SPINK9: variants seen among roughly 807,000 people sequenced by gnomAD.
SPINK9 encodes serine protease inhibitor Kazal-type 9.
In SPINK9, 3 loss-of-function variants were observed where a neutral mutation model predicts 10.8. That is an observed-to-expected ratio of 0.28 (90% CI 0.13 to 0.72). The LOEUF is 0.72. SPINK9 is among the 30% of genes least tolerant of loss of function. The probability of loss-of-function intolerance (pLI) is 0.74; values close to 1 mark genes in which losing one functional copy is unlikely to be tolerated. For synonymous variants in SPINK9, 30 were observed against 31.2 expected (o/e 0.96, Z 0.12); for missense variants, 101 against 103.2 (o/e 0.98, Z 0.09).
intron 1 of SPINK9, among the ~76,000 whole-genome samples, chr5:148,323,199 T>C (rs1757018918): frequency 6.6e-6 from 1 of 152,138 alleles, no homozygotes; most frequent in African/African-American, 2.4e-5. Context: ...GGTTATGAGA[T>C]ACTGTCTAAA....
intron 2 of SPINK9, among the ~76,000 whole-genome samples, chr5:148,337,032 C>G (rs548731900): frequency 6.6e-6 from 1 of 152,108 alleles, no homozygotes; most frequent in Non-Finnish European, 1.5e-5. Context: ...TATTTTATGT[C>G]TTTGAGGCTT....
intron 2 of SPINK9, among the ~76,000 whole-genome samples, chr5:148,329,578 G>C (rs1000936020): frequency 6.6e-6 from 1 of 152,058 alleles, no homozygotes; most frequent in Non-Finnish European, 1.5e-5. Flanking sequence ...TGCTTCTCTA[G>C]TTCTTTTAAT....
chr5:148,339,423 T>C (rs1237736192), intron 3 of SPINK9, among the ~76,000 whole-genome samples: 2 of 152,110 alleles, frequency 1.3e-5, no homozygotes, highest in African/African-American at 4.8e-5. Flanking sequence ...TGTGTTTCCC[T>C]TAAATTAAAA....
chr5:148,339,541 C>T, intron 3 of SPINK9, 126 bp from the exon 4 acceptor site: 1 of 753,812 alleles, frequency 1.3e-6, no homozygotes, highest in Non-Finnish European at 2.2e-6. Context: ...TGCAGTCACT[C>T]CTTTTAAAAA....
chr5:148,330,213 GGATA>G (rs1266265750), intron 2 of SPINK9, among the ~76,000 whole-genome samples: 2 of 152,116 alleles, frequency 1.3e-5, no homozygotes, highest in Non-Finnish European at 2.9e-5. Flanking sequence ...CATTTATTTA[GGATA>G]GTTAGTTCTT....
At chr5:148,323,636 T>C (rs576835428) in intron 1 of SPINK9, 249 of 531,532 alleles carry the variant, frequency 4.7e-4, no homozygotes, top group Non-Finnish European at 7.1e-4. Context: ...TGCCGTCATA[T>C]GAATGTGAAG....
chr5:148,327,755 A>C (rs1757084976), intron 2 of SPINK9, among the ~76,000 whole-genome samples: 1 of 151,802 alleles, frequency 6.6e-6, no homozygotes, highest in African/African-American at 2.4e-5. Context: ...CCATTTATTA[A>C]ATAGGGAATC....
At chr5:148,328,021 A>T (rs776147028) in intron 2 of SPINK9, among the ~76,000 whole-genome samples, 197 of 151,694 alleles carry the variant, frequency 1.3e-3, no homozygotes, top group Non-Finnish European at 2.1e-3. Flanking sequence ...ACTTTAAAGT[A>T]GTTTTTTCCA....
At chr5:148,332,846 T>C (rs1757168137), upstream of SPINK9, among the ~76,000 whole-genome samples, 1 of 152,124 alleles carries the variant, frequency 6.6e-6, no homozygotes, top group Non-Finnish European at 1.5e-5. Flanking sequence ...TGAATAAAGG[T>C]CATCTTCACT....
At chr5:148,336,316 A>G in intron 1 of SPINK9, 106 bp from the exon 2 acceptor site, 1 of 1,218,918 alleles carries the variant, frequency 8.2e-7, no homozygotes, top group East Asian at 2.3e-5. Context: ...AGAGACTTAC[A>G]TTTTTATGAC....
Position 148,335,817 on chromosome 5 carries a change from C to T in SPINK9, c.55+149C>T, listed in dbSNP as rs557117676. On this transcript the variant is annotated intron_variant, in intron 1 of 3. Coordinates refer to ENST00000377906, the MANE Select transcript of SPINK9 (RefSeq NM_001040433.2). ...ATCTTTTGCCTCAACCAACGAATTG[C>T]TAAATCACATCACCTCAGGGGTAGA... 4.9e-5 allele frequency: 41 copies of T among 831,250 alleles called. No homozygotes were observed. In the African/African-American group the frequency reaches 5.9e-4, roughly 12 times the overall value. The allele number at this position is 831,250 out of a possible 1,614,324, so 51.5% of individuals were successfully genotyped here.
At chr5:148,331,609 C>T (rs150126636), upstream of SPINK9, among the ~76,000 whole-genome samples, 297 of 152,080 alleles carry the variant, frequency 2.0e-3, no homozygotes, top group African/African-American at 6.9e-3. Flanking sequence ...TTCAACATAG[C>T]TAAAAAAGTG....
upstream of SPINK9, chr5:148,335,505 A>T (rs1757204661): frequency 6.3e-6 from 6 of 951,674 alleles, no homozygotes; most frequent in Non-Finnish European, 8.1e-6. Context: ...GCTATTTCAC[A>T]ATTGAGGCAG....
At chr5:148,331,851 A>G (rs970661193), upstream of SPINK9, among the ~76,000 whole-genome samples, 2 of 152,208 alleles carry the variant, frequency 1.3e-5, no homozygotes, top group Non-Finnish European at 2.9e-5. Context: ...TACTGTTTTG[A>G]TTACTATAGC....
At chr5:148,331,570 A>G (rs1309981140), upstream of SPINK9, among the ~76,000 whole-genome samples, 2 of 152,204 alleles carry the variant, frequency 1.3e-5, no homozygotes, top group African/African-American at 2.4e-5. Context: ...GCACAGCATG[A>G]GTACTGTTAA....
rs6884299 is a variant in SPINK9 at position 148,336,574 on chromosome 5, T to A, written c.87+121T>A. 0.018 allele frequency: 20,452 copies of A among 1,112,088 alleles called. 2,653 individuals carry two copies. The African/African-American group carries it at 0.28, about 15-fold the overall frequency. The allele number at this position is 1,112,088 out of a possible 1,614,324, so 68.9% of individuals were successfully genotyped here. A position where few individuals can be genotyped will look rare whatever the true frequency, so the allele number is the denominator to read the frequency against. Reference sequence around the variant, plus strand: ...ATATTTACTTTATGTGTATGAAAACTGGTTTTATTTCAAAAATTGTAGGCA... The same window carrying A: ...ATATTTACTTTATGTGTATGAAAACAGGTTTTATTTCAAAAATTGTAGGCA... On this transcript the variant is annotated intron_variant, in intron 2 of 3. Transcript: ENST00000377906.
In SPINK9 at chr5:148,335,806, C is replaced by A. The variant is rs144214797; in HGVS notation, c.55+138C>A. ...TTTTAAAATGAATCTTTTGCCTCAA[C>A]CAACGAATTGCTAAATCACATCACC... On this transcript the variant is annotated intron_variant, in intron 1 of 3. Transcript: ENST00000377906. 2.2e-4 allele frequency: 213 copies of A among 960,076 alleles called. 1 individual carries two copies. In the East Asian group the frequency reaches 4.8e-3, roughly 21 times the overall value. The allele number at this position is 960,076 out of a possible 1,614,324, so 59.5% of individuals were successfully genotyped here. A position where few individuals can be genotyped will look rare whatever the true frequency, so the allele number is the denominator to read the frequency against.
chr5:148,327,132 A>G (rs1757073496), intron 2 of SPINK9, among the ~76,000 whole-genome samples: 2 of 152,178 alleles, frequency 1.3e-5, no homozygotes, highest in Non-Finnish European at 2.9e-5. Flanking sequence ...TCCCACCAAC[A>G]GTGTAAGTTT....
chr5:148,324,303 A>G (rs1055267999), intron 2 of SPINK9, among the ~76,000 whole-genome samples: 1 of 152,134 alleles, frequency 6.6e-6, no homozygotes, highest in Admixed American at 6.5e-5. Flanking sequence ...TGGCCTATTG[A>G]GCTCAATAGT....
Sources: allele counts gnomAD v4.1 joint callset (sites outside exome capture counted in the v4.1 genomes callset), GRCh38; gene constraint gnomAD v4.1.1; transcripts MANE v1.5; gene names NCBI Gene and HGNC (gene_info 2026-07-23, HGNC 2026-07-21).